The following CFAP70 variants were observed in gnomAD, a reference collection of about 807,000 sequenced individuals.
CFAP70 encodes cilia- and flagella-associated protein 70.
Under a neutral mutation model 137.6 loss-of-function variants are expected in CFAP70, and 81 were observed. That is an observed-to-expected ratio of 0.59 (90% CI 0.49 to 0.71). The LOEUF (loss-of-function observed/expected upper bound fraction) is 0.71. CFAP70 is among the 30% of genes least tolerant of loss of function. The pLI is 0.00. For synonymous variants in CFAP70, 382 were observed against 423.6 expected, an observed-to-expected ratio of 0.90 and a Z score of 1.20; for missense variants, 976 against 1,226.7, an observed-to-expected ratio of 0.80 and a Z score of 3.05.
chr10:73,275,439 T>A lies in CFAP70; in HGVS notation c.2673+7A>T. 3 of 1,588,154 alleles carry A rather than the reference T, an allele frequency of 1.9e-6. No individual in the cohort carries two copies. In the African/African-American group the frequency reaches 4.1e-5, roughly 22 times the overall value. The stretch of plus-strand genomic sequence containing the variant: ...CAGACTCAAGAGGCTTTAGCAAAAG[T>A]CATTACCAGGTAGTCCATCTGGGCT... On this transcript the variant is annotated splice_region_variant and intron_variant, in intron 22 of 26. Transcript: ENST00000310715. The surrounding 1 kb of genome is among the most constrained non-coding windows in gnomAD (Gnocchi z 4.0).
At chr10:73,329,017 G>A (rs1487212889) in intron 8 of CFAP70, among the ~76,000 whole-genome samples, 1 of 151,364 alleles carries the variant, frequency 6.6e-6, no homozygotes, top group East Asian at 1.9e-4. Context: ...TATAAATCAT[G>A]CTGCTATAAA....
intron 25 of CFAP70, among the ~76,000 whole-genome samples, chr10:73,265,427 TTAA>T (rs2045666702): frequency 6.6e-6 from 1 of 152,190 alleles, no homozygotes. Context: ...CTTTTTTTAC[TTAA>T]TAATATAAAC....
At chr10:73,340,897 G>C (rs559229543) in intron 6 of CFAP70, among the ~76,000 whole-genome samples, 1 of 152,200 alleles carries the variant, frequency 6.6e-6, no homozygotes. Flanking sequence ...AGATGCCTGG[G>C]TATGCAGCTG....
exon 15 of CFAP70, chr10:73,297,131 T>C: frequency 6.2e-7 from 1 of 1,613,824 alleles, no homozygotes. Flanking sequence ...TCAAATGATG[T>C]TGTCTTCAAG....
chr10:73,274,223 T>C (rs1264021969), intron 23 of CFAP70, among the ~76,000 whole-genome samples: 1 of 152,234 alleles, frequency 6.6e-6, no homozygotes, highest in East Asian at 1.9e-4. Flanking sequence ...GCATAATGGT[T>C]AAAATCACAG....
chr10:73,273,680 G>C (rs1026582982), intron 23 of CFAP70, among the ~76,000 whole-genome samples: 1 of 152,184 alleles, frequency 6.6e-6, no homozygotes, highest in African/African-American at 2.4e-5. Flanking sequence ...ACTACAGTGG[G>C]ATAGGGATTT....
chr10:73,277,711 C>CAA (rs34507972), intron 20 of CFAP70, among the ~76,000 whole-genome samples: 17 of 134,144 alleles, frequency 1.3e-4, no homozygotes, highest in East Asian at 4.2e-4. Flanking sequence ...GACTCCATCT[C>CAA]AAAAAAAAAA....
chr10:73,261,062 C>T (rs1420525862), intron 25 of CFAP70, among the ~76,000 whole-genome samples: 1 of 151,992 alleles, frequency 6.6e-6, no homozygotes, highest in Admixed American at 6.6e-5. Flanking sequence ...ATTTACAACC[C>T]TACCAGTAAT....
At chr10:73,263,271 A>G (rs541440182) in intron 25 of CFAP70, among the ~76,000 whole-genome samples, 46 of 151,974 alleles carry the variant, frequency 3.0e-4, no homozygotes, top group Non-Finnish European at 6.2e-4. Context: ...AATTTTTTTA[A>G]TGTTTTGTAG....
chr10:73,353,100 C>A (rs1244460095), intron 3 of CFAP70, among the ~76,000 whole-genome samples: 2 of 152,152 alleles, frequency 1.3e-5, no homozygotes, highest in Non-Finnish European at 2.9e-5. Flanking sequence ...TATATATATT[C>A]TTTAATGGTT....
intron 8 of CFAP70, among the ~76,000 whole-genome samples, chr10:73,325,035 C>CA (rs2051263323): frequency 6.6e-6 from 1 of 152,224 alleles, no homozygotes; most frequent in South Asian, 2.1e-4. Flanking sequence ...ACATAATTGT[C>CA]AGATTCACCA....
chr10:73,277,413 T>G, intron 20 of CFAP70, 52 bp from the exon 22 acceptor site: 2 of 1,591,560 alleles, frequency 1.3e-6, no homozygotes, highest in Non-Finnish European at 1.7e-6. Context: ...AGAAAAAGTG[T>G]CAGAAATTCA....
rs923263934 is a variant in CFAP70 at position 73,293,326 on chromosome 10, T to C, written c.1707A>G (p.Gln569=). The C allele has an allele frequency of 3.7e-6, 6 of 1,612,268 alleles. No homozygotes were observed. In the East Asian group the frequency reaches 1.1e-4, roughly 30 times the overall value. ...TGACTTCTGCTTCAAATGCAAAGAG[T>C]TGAAGCTGTTCACTGCTTGTATAAA... is the stretch of plus-strand genomic sequence containing the variant. Residue 569 remains glutamine, a synonymous_variant, in exon 16 of 27, where the codon CAA becomes CAG. Coordinates refer to ENST00000310715, the Ensembl canonical transcript of CFAP70.
chr10:73,355,278 G>A (rs1427456370), intron 1 of CFAP70, among the ~76,000 whole-genome samples: 17 of 152,164 alleles, frequency 1.1e-4, no homozygotes, highest in Admixed American at 1.0e-3. Context: ...TCTCTCTCCT[G>A]TCAGATCAGT....
chr10:73,278,826 A>G, intron 19 of CFAP70, among the ~76,000 whole-genome samples: 1 of 151,992 alleles, frequency 6.6e-6, no homozygotes, highest in East Asian at 1.9e-4. Context: ...CTAAAAATAC[A>G]AAAAGTTAGC....
In CFAP70 at chr10:73,266,520, G is replaced by A. The variant is rs530669016; in HGVS notation, c.3027+3094C>T. On this transcript the variant is annotated intron_variant, in intron 25 of 26. Transcript: ENST00000310715. The stretch of plus-strand genomic sequence containing the variant: ...CAGTATAGTTTCAAGTAGAAGTGAC[G>A]ATAACATTTTCCTTATCTTGTTCCT... Among the ~76,000 whole-genome samples, 7 of 152,164 alleles carry A rather than the reference G, an allele frequency of 4.6e-5. No homozygotes were observed. The South Asian group carries it at 8.3e-4, about 18-fold the overall frequency.
chr10:73,351,081 A>G (rs1186854757), intron 3 of CFAP70, among the ~76,000 whole-genome samples: 53 of 85,876 alleles, frequency 6.2e-4, no homozygotes, highest in East Asian at 2.1e-3. Flanking sequence ...GTATATATAT[A>G]TATATATATA....
intron 26 of CFAP70, among the ~76,000 whole-genome samples, chr10:73,256,134 T>C (rs995736371): frequency 6.6e-6 from 1 of 152,236 alleles, no homozygotes; most frequent in Non-Finnish European, 1.5e-5. Flanking sequence ...ACTCCCAGGC[T>C]ATCTTTCTAT....
intron 7 of CFAP70, 23 bp downstream of exon 8, chr10:73,335,407 T>C (rs1374505476): frequency 1.9e-6 from 3 of 1,543,160 alleles, no homozygotes; most frequent in Non-Finnish European, 2.7e-6. Context: ...GGGTTAGACA[T>C]ATGTCCTTCC....
Sources: allele counts gnomAD v4.1 joint callset (sites outside exome capture counted in the v4.1 genomes callset), GRCh38; gene constraint gnomAD v4.1.1; non-coding constraint Gnocchi (gnomAD v3.1); transcripts MANE v1.5; gene names NCBI Gene and HGNC (gene_info 2026-07-23, HGNC 2026-07-21).